The following GTF2E2 variants were observed in gnomAD, a reference collection of about 807,000 sequenced individuals.
GTF2E2 encodes transcription initiation factor IIE subunit beta.
A neutral mutation model predicts 40.5 loss-of-function variants in GTF2E2; 21 were observed. That is an observed-to-expected ratio of 0.52 (90% confidence interval 0.37 to 0.75). The LOEUF (loss-of-function observed/expected upper bound fraction) is 0.75. GTF2E2 is among the 30% of genes least tolerant of loss of function. The pLI is 0.00. For synonymous variants in GTF2E2, 117 were observed against 121.6 expected (o/e 0.96, Z 0.25); for missense variants, 298 against 338.4 (o/e 0.88, Z 0.94).
At chr8:30,636,690 AC>A (rs1273813741) in intron 2 of GTF2E2, among the ~76,000 whole-genome samples, 3 of 152,116 alleles carry the variant, frequency 2.0e-5, no homozygotes, top group Non-Finnish European at 2.9e-5. Context: ...ACATGGTGAA[AC>A]CCCGTCTCTA....
At chr8:30,641,384 A>G (rs901619458) in intron 2 of GTF2E2, among the ~76,000 whole-genome samples, 10 of 152,122 alleles carry the variant, frequency 6.6e-5, no homozygotes, top group African/African-American at 2.4e-4. Context: ...TTTTTTTGAG[A>G]CAGGGTCTCA....
intron 3 of GTF2E2, among the ~76,000 whole-genome samples, chr8:30,624,982 A>T (rs1237688449): frequency 7.1e-6 from 1 of 140,540 alleles, no homozygotes; most frequent in Non-Finnish European, 1.6e-5. Flanking sequence ...CCTCTTTCCT[A>T]AATGAATACC....
At chr8:30,611,021 A>G (rs1829461044) in intron 5 of GTF2E2, among the ~76,000 whole-genome samples, 1 of 152,230 alleles carries the variant, frequency 6.6e-6, no homozygotes, top group East Asian at 1.9e-4. Context: ...AAGGAAGAAA[A>G]TCCTGTTGCA....
intron 6 of GTF2E2, among the ~76,000 whole-genome samples, chr8:30,598,164 A>G (rs1829067365): frequency 6.6e-6 from 1 of 152,244 alleles, no homozygotes; most frequent in Non-Finnish European, 1.5e-5. Context: ...ATGGGAAAGA[A>G]GTACATAGGA....
At position 30,628,362 on chromosome 8, in the gene GTF2E2, G is replaced by A. The variant is rs1181883499; in HGVS notation, c.258+6670C>T. Among the ~76,000 whole-genome samples the A allele has an allele frequency of 2.6e-5, 4 of 152,288 alleles. No individual in the cohort carries two copies. In the East Asian group the frequency reaches 7.7e-4, roughly 29 times the overall value. On this transcript the variant is annotated intron_variant, in intron 3 of 7. Coordinates refer to ENST00000355904, the MANE Select transcript of GTF2E2 (RefSeq NM_002095.6). ...GGAGCAACCACACACACAAAGAGCA[G>A]GCTAATAAGCTGGGCGAAATAAATG...
intron 3 of GTF2E2, among the ~76,000 whole-genome samples, chr8:30,626,275 A>C (rs1801271077): frequency 6.6e-6 from 1 of 152,208 alleles, no homozygotes; most frequent in Admixed American, 6.5e-5. Context: ...TCACAAGGTC[A>C]AGAGATCGAG....
chr8:30,620,263 C>CACAA (rs1563492058), intron 3 of GTF2E2, among the ~76,000 whole-genome samples: 29 of 151,862 alleles, frequency 1.9e-4, no homozygotes, highest in Admixed American at 1.7e-3. Flanking sequence ...CACACAAACA[C>CACAA]ACACACACAC....
At chr8:30,622,187 G>GA (rs1801124357) in intron 3 of GTF2E2, among the ~76,000 whole-genome samples, 1 of 145,942 alleles carries the variant, frequency 6.9e-6, no homozygotes. Flanking sequence ...GGGTATTAGG[G>GA]AACCTGCCCC....
At chr8:30,585,532 C>T (rs1828654953) in intron 6 of GTF2E2, among the ~76,000 whole-genome samples, 1 of 151,830 alleles carries the variant, frequency 6.6e-6, no homozygotes, top group Non-Finnish European at 1.5e-5. Context: ...AATAGGTATC[C>T]CCAGAGAAAA....
chr8:30,646,979 C>CAAAAAAAA (rs56762565), intron 2 of GTF2E2, among the ~76,000 whole-genome samples: 5 of 51,196 alleles, frequency 9.8e-5, no homozygotes, highest in East Asian at 4.5e-4. Context: ...GACTCCGTCT[C>CAAAAAAAA]AAAAAAAAAA....
intron 1 of GTF2E2, 136 bp downstream of exon 1, chr8:30,657,837 G>A (rs1350727459): frequency 6.6e-6 from 1 of 152,206 alleles, no homozygotes; most frequent in African/African-American, 2.4e-5. Context: ...TGGGTGTTTC[G>A]CTTCGAGAAC....
At chr8:30,613,532 G>T (rs1800803475) in intron 4 of GTF2E2, among the ~76,000 whole-genome samples, 1 of 152,178 alleles carries the variant, frequency 6.6e-6, no homozygotes, top group Non-Finnish European at 1.5e-5. Flanking sequence ...AGGGAGAATA[G>T]AATAGTAAAA....
intron 6 of GTF2E2, among the ~76,000 whole-genome samples, chr8:30,591,166 ATT>A (rs991585468): frequency 1.3e-5 from 2 of 152,176 alleles, no homozygotes; most frequent in Non-Finnish European, 2.9e-5. Flanking sequence ...TGGACAAAGG[ATT>A]TCAATACACA....
chr8:30,657,108 A>G (rs1802473454), intron 1 of GTF2E2: 2 of 152,252 alleles, frequency 1.3e-5, no homozygotes, highest in African/African-American at 4.8e-5. Context: ...CATCTAGAGC[A>G]GAAAGCTTCG....
At chr8:30,644,097 AAAT>A (rs1801966621) in intron 2 of GTF2E2, among the ~76,000 whole-genome samples, 1 of 152,230 alleles carries the variant, frequency 6.6e-6, no homozygotes, top group Admixed American at 6.5e-5. Context: ...CTAAATGTTA[AAAT>A]ATTTGTTAGA....
At chr8:30,620,458 G>A (rs1182903746) in intron 3 of GTF2E2, among the ~76,000 whole-genome samples, 1 of 151,992 alleles carries the variant, frequency 6.6e-6, no homozygotes. Context: ...ACTGCTTTCA[G>A]TCAGAAAAAG....
In GTF2E2 at chr8:30,588,292, T is replaced by C. The variant is rs554364622; in HGVS notation, c.644-7896A>G. ...ACTCCCATGTTCACTGCAGCATTAC[T>C]TACAACAGTCGAGATAAAGACTCAG... On this transcript the variant is annotated intron_variant, in intron 6 of 7. Coordinates refer to ENST00000355904, the MANE Select transcript of GTF2E2 (RefSeq NM_002095.6). Among the ~76,000 whole-genome samples, 9 of 152,306 alleles carry C rather than the reference T, an allele frequency of 5.9e-5. No homozygotes were observed. The South Asian group carries it at 1.7e-3, about 28-fold the overall frequency.
chr8:30,614,800 G>A, intron 3 of GTF2E2, 85 bp from the exon 4 acceptor site: 1 of 730,424 alleles, frequency 1.4e-6, no homozygotes, highest in Admixed American at 2.5e-5. Context: ...CAAACCTTCA[G>A]GAATGAAAAA....
rs201312906 is a variant in GTF2E2 at position 30,582,315 on chromosome 8, A to G, written c.644-1919T>C. 1.2e-4 allele frequency among the ~76,000 whole-genome samples: 18 copies of G among 152,324 alleles called. No individual in the cohort carries two copies. In the East Asian group the frequency reaches 3.5e-3, roughly 29 times the overall value. The stretch of plus-strand genomic sequence containing the variant: ...CTGGGATTACAGGTGTCGAGCCACC[A>G]TGTCTGGCCTATATTTTTCTTTTTA... On this transcript the variant is annotated intron_variant, in intron 6 of 7. Coordinates refer to ENST00000355904, the MANE Select transcript of GTF2E2 (RefSeq NM_002095.6).
Sources: gnomAD v4.1 joint callset for allele counts (sites outside exome capture counted in the v4.1 genomes callset) on GRCh38, gnomAD v4.1.1 for gene constraint, MANE v1.5 for transcripts, NCBI Gene and HGNC (gene_info 2026-07-23, HGNC 2026-07-21) for gene names.